Variants in RABGAP1L observed in about 807,000 individuals in gnomAD.
RABGAP1L encodes the protein rab GTPase-activating protein 1-like.
Under a neutral mutation model 137.7 loss-of-function variants are expected in RABGAP1L, and 63 were observed. The observed-to-expected ratio is 0.46, with a 90% CI of 0.37 to 0.56. The LOEUF is 0.56. Ranked by LOEUF, RABGAP1L falls within the 20% of genes least tolerant of loss-of-function variation. The probability of loss-of-function intolerance (pLI) is 0.00; values close to 1 mark genes in which losing one functional copy is unlikely to be tolerated. For missense variants in RABGAP1L, 1,095 were observed against 1,244.0 expected (o/e 0.88, Z 1.80); for synonymous variants, 431 against 433.7 (o/e 0.99, Z 0.08).
At chr1:174,547,852 A>G in intron 13 of RABGAP1L, 1 of 1,531,878 alleles carries the variant, frequency 6.5e-7, no homozygotes, top group Non-Finnish European at 8.8e-7. Flanking sequence ...GATGAAATTT[A>G]GTCTTACACC....
At chr1:174,636,730 C>T (rs532732630) in intron 13 of RABGAP1L, among the ~76,000 whole-genome samples, 1 of 152,006 alleles carries the variant, frequency 6.6e-6, no homozygotes, top group Admixed American at 6.6e-5. Flanking sequence ...ACATACTCTA[C>T]TATTGTTTGG....
chr1:174,189,966 T>C (rs1467274253), intron 1 of RABGAP1L, among the ~76,000 whole-genome samples: 1 of 152,158 alleles, frequency 6.6e-6, no homozygotes, highest in Non-Finnish European at 1.5e-5. Flanking sequence ...TGTGATTCCC[T>C]GTTCTGCCGT....
chr1:174,644,392 A>G (rs75004962), intron 14 of RABGAP1L, among the ~76,000 whole-genome samples: 1,827 of 152,188 alleles, frequency 0.012, 45 homozygotes, highest in African/African-American at 0.042. Flanking sequence ...CAGAAGAGAA[A>G]GGGTGGGATT....
At chr1:174,975,543 G>C (rs1043621915) in intron 21 of RABGAP1L, among the ~76,000 whole-genome samples, 4 of 152,032 alleles carry the variant, frequency 2.6e-5, no homozygotes, top group Non-Finnish European at 4.4e-5. Context: ...TGGCCATGTG[G>C]GCAGGTTTAC....
At chr1:174,708,145 G>A (rs1446120001) in intron 17 of RABGAP1L, among the ~76,000 whole-genome samples, 3 of 152,250 alleles carry the variant, frequency 2.0e-5, no homozygotes, top group East Asian at 1.9e-4. Flanking sequence ...TTCTCAGGAT[G>A]TTGAAAAAAT....
intron 1 of RABGAP1L, among the ~76,000 whole-genome samples, chr1:174,194,147 C>G (rs1284558356): frequency 1.3e-5 from 2 of 152,052 alleles, no homozygotes; most frequent in African/African-American, 2.4e-5. Flanking sequence ...GTACTAAGCA[C>G]TCAGTCAGTC....
intron 13 of RABGAP1L, among the ~76,000 whole-genome samples, chr1:174,559,333 T>C (rs1667068869): frequency 1.3e-5 from 2 of 152,180 alleles, no homozygotes; most frequent in Non-Finnish European, 2.9e-5. Context: ...AATATGTATA[T>C]ACACATACAG....
chr1:174,621,174 C>G (rs1672425845), intron 13 of RABGAP1L, among the ~76,000 whole-genome samples: 1 of 152,086 alleles, frequency 6.6e-6, no homozygotes, highest in Admixed American at 6.6e-5. Flanking sequence ...TCAAGGAGAA[C>G]TACAAACCAC....
chr1:174,162,753 C>CTT (rs971302832), intron 1 of RABGAP1L, among the ~76,000 whole-genome samples: 11 of 37,168 alleles, frequency 3.0e-4, no homozygotes, highest in Non-Finnish European at 6.4e-4. Context: ...GCTGGTATTT[C>CTT]TTTTTTTTTT....
At chr1:174,458,444 A>G (rs888559269) in intron 13 of RABGAP1L, among the ~76,000 whole-genome samples, 7 of 152,016 alleles carry the variant, frequency 4.6e-5, no homozygotes, top group Non-Finnish European at 8.8e-5. Context: ...TATGTTTGCT[A>G]AAGGATCTCA....
rs6663230 is a variant in RABGAP1L, at chr1:174,576,792, A to G, written c.1711-60583A>G. ...CTGACTGTGTAAATTAATTCTAACC[A>G]CTGATGTTGAAAATGTCTTCTCATG... On this transcript the variant is annotated intron_variant, in intron 13 of 25. Transcript: ENST00000681986. 9.5e-3 allele frequency among the ~76,000 whole-genome samples: 1,443 copies of G among 152,204 alleles called. 25 individuals carry two copies. Among genetic ancestry groups the G allele is most frequent in the African/African-American group, 0.033 (1,382 of 41,526 alleles).
intron 13 of RABGAP1L, among the ~76,000 whole-genome samples, chr1:174,565,105 G>A (rs1443999074): frequency 6.6e-6 from 1 of 152,122 alleles, no homozygotes; most frequent in African/African-American, 2.4e-5. Flanking sequence ...CATTTAGTGA[G>A]GGATTCGTGG....
chr1:174,284,486 T>G (rs1311499688), intron 10 of RABGAP1L, among the ~76,000 whole-genome samples: 1 of 152,234 alleles, frequency 6.6e-6, no homozygotes. Context: ...ATTCATTCAT[T>G]CATTGACAGA....
chr1:174,858,487 C>G (rs1649686221), intron 19 of RABGAP1L, among the ~76,000 whole-genome samples: 1 of 152,124 alleles, frequency 6.6e-6, no homozygotes, highest in Non-Finnish European at 1.5e-5. Flanking sequence ...TCTTTAAATG[C>G]ACAGGATAGC....
intron 19 of RABGAP1L, among the ~76,000 whole-genome samples, chr1:174,872,800 C>T (rs186887400): frequency 3.3e-5 from 5 of 151,992 alleles, no homozygotes; most frequent in African/African-American, 7.2e-5. Context: ...CTCAGCCTCC[C>T]GGGATTATGA....
intron 13 of RABGAP1L, among the ~76,000 whole-genome samples, chr1:174,577,216 C>T (rs1190853322): frequency 9.8e-5 from 1 of 10,186 alleles, no homozygotes; most frequent in South Asian, 6.8e-3. Context: ...AAAATACACA[C>T]ACACACACAC....
rs543747356 is a variant in RABGAP1L at position 174,880,355 on chromosome 1, C to T, written c.2340+68395C>T. ...ATCCAGAGAATTCAGAATATGGCCA[C>T]GTGCTGTGACTCATGCCTGTAATCT... On this transcript the variant is annotated intron_variant, in intron 19 of 25. Transcript: ENST00000681986. Among the ~76,000 whole-genome samples the T allele has an allele frequency of 1.1e-4, 16 of 151,994 alleles. No homozygotes were observed. The South Asian group carries it at 1.5e-3, about 14-fold the overall frequency.
At chr1:174,597,256 C>A (rs1400058720) in intron 13 of RABGAP1L, among the ~76,000 whole-genome samples, 1 of 152,096 alleles carries the variant, frequency 6.6e-6, no homozygotes, top group African/African-American at 2.4e-5. Flanking sequence ...AGTATTCACT[C>A]CTCCATTATT....
At chr1:174,357,491 A>G (rs889518789) in intron 11 of RABGAP1L, among the ~76,000 whole-genome samples, 5 of 152,240 alleles carry the variant, frequency 3.3e-5, no homozygotes, top group African/African-American at 1.2e-4. Flanking sequence ...ATATAGTCCC[A>G]GCACTCAAAG....
Sources: gnomAD v4.1 joint callset for allele counts (sites outside exome capture counted in the v4.1 genomes callset) on GRCh38, gnomAD v4.1.1 for gene constraint, MANE v1.5 for transcripts, NCBI Gene and HGNC (gene_info 2026-07-23, HGNC 2026-07-21) for gene names.